The following CHST6 variants were observed in gnomAD, a reference collection of about 807,000 sequenced individuals.
CHST6 encodes the protein N-acetylglucosamine 6-O-sulfotransferase 5.
For missense variants in CHST6, 698 were observed against 586.2 expected (o/e 1.19, Z -1.97); for synonymous variants, 309 against 276.4 (o/e 1.12, Z -1.17).
Position 75,479,545 on chromosome 16 carries a change from A to C in CHST6, c.284T>G (p.Leu95Arg). ...AATLHMAVRD[L>R]VRSVFLCDMD... The stretch of plus-strand genomic sequence containing the variant: ...GTCGCACAGGAAGACGGAGCGCACC[A>C]GGTCGCGCACAGCCATGTGCAGCGT... Residue 95 changes from leucine (L) to arginine (R), a missense_variant, in exon 3 of 3, where the codon CTG becomes CGG. Transcript: ENST00000332272. The C allele has an allele frequency of 1.2e-6, 2 of 1,612,974 alleles. No homozygotes were observed. The highest frequency in any genetic ancestry group is 8.5e-7 in the Non-Finnish European group (1 of 1,179,838).
rs1247828632 is a variant in CHST6 at position 75,481,903 on chromosome 16, G to A, written c.-91-12C>T. On this transcript the variant is annotated splice_polypyrimidine_tract_variant and intron_variant, in intron 1 of 2. Transcript: ENST00000332272. ...AGGTTCCTCAGCACCTGGTAAAGCA[G>A]GAGGGCGATGGAGTCACACTCTACA... 6.4e-6 allele frequency: 3 copies of A among 468,572 alleles called. No individual in the cohort carries two copies. The allele number at this position is 468,572 out of a possible 1,614,324, so 29.0% of individuals were successfully genotyped here. A position where few individuals can be genotyped will look rare whatever the true frequency, so the allele number is the denominator to read the frequency against.
In CHST6 at chr16:75,475,207, A is replaced by T. The variant is rs981017572; in HGVS notation, c.*3434T>A. On this transcript the variant is annotated 3_prime_UTR_variant, in exon 3 of 3. Coordinates refer to ENST00000332272, the MANE Select transcript of CHST6 (RefSeq NM_021615.5). ...GGGATCAAGGTTCCAACTTTGGGAG[A>T]CACAATCAAATCACAGCAGAGCCCC... 1 of 152,296 alleles carries T rather than the reference A, an allele frequency of 6.6e-6. No individual in the cohort carries two copies. Among genetic ancestry groups the T allele is most frequent in the East Asian group, 1.9e-4 (1 of 5,210 alleles). The allele number at this position is 152,296 out of a possible 1,614,324, so 9.4% of individuals were successfully genotyped here.
Position 75,476,903 on chromosome 16 carries a change from C to G in CHST6, c.*1738G>C, listed in dbSNP as rs2151664191. The G allele has an allele frequency of 6.6e-6, 1 of 152,190 alleles. No homozygotes were observed. The highest frequency in any genetic ancestry group is 6.5e-5 in the Admixed American group (1 of 15,292). The allele number at this position is 152,190 out of a possible 1,614,324, so 9.4% of individuals were successfully genotyped here. A position where few individuals can be genotyped will look rare whatever the true frequency, so the allele number is the denominator to read the frequency against. ...GGGATTACAGGTATGTGCGACCATGCCTCGCTAATTTTGTATTTTTAGTAG... is the reference window on the plus strand; with the variant it reads ...GGGATTACAGGTATGTGCGACCATGGCTCGCTAATTTTGTATTTTTAGTAG... On this transcript the variant is annotated 3_prime_UTR_variant, in exon 3 of 3. Transcript: ENST00000332272.
Position 75,472,380 on chromosome 16 carries a change from T to A in CHST6, c.*6261A>T, listed in dbSNP as rs1168813940. On this transcript the variant is annotated 3_prime_UTR_variant, in exon 3 of 3. Coordinates refer to ENST00000332272, the MANE Select transcript of CHST6 (RefSeq NM_021615.5). ...CAGATGACAAGCTAGGAGAAACCAT[T>A]TGCACAACAAAAATAACAAAGCATA... The A allele has an allele frequency of 6.6e-6, 1 of 152,114 alleles. No homozygotes were observed. The highest frequency in any genetic ancestry group is 2.4e-5 in the African/African-American group (1 of 41,404). 9.4% of individuals were successfully genotyped at this position (152,114 alleles called of 1,614,324 possible).
chr16:75,477,001 C>G lies in CHST6; in HGVS notation c.*1640G>C, dbSNP rs1296940755. 1 of 152,198 alleles carries G rather than the reference C, an allele frequency of 6.6e-6. No individual in the cohort carries two copies. Among genetic ancestry groups the G allele is most frequent in the Non-Finnish European group, 1.5e-5 (1 of 68,046 alleles). The allele number at this position is 152,198 out of a possible 1,614,324, so 9.4% of individuals were successfully genotyped here. On this transcript the variant is annotated 3_prime_UTR_variant, in exon 3 of 3. Transcript: ENST00000332272. ...TCAGGTGATTCATCCCCCTCGGCCT[C>G]CCACAGTGCTGGGATTACAGGCATG... is the stretch of plus-strand genomic sequence containing the variant.
chr16:75,484,568 A>G (rs775359146), intron 1 of CHST6, among the ~76,000 whole-genome samples: 2 of 150,952 alleles, frequency 1.3e-5, no homozygotes, highest in Non-Finnish European at 3.0e-5. Context: ...TAAAATTCTA[A>G]GCCACGCATG....
chr16:75,487,340 C>CA (rs1348460693), intron 1 of CHST6, among the ~76,000 whole-genome samples: 1 of 152,182 alleles, frequency 6.6e-6, no homozygotes, highest in Non-Finnish European at 1.5e-5. Flanking sequence ...GGGCAGCACT[C>CA]ACTTCCAGCC....
At position 75,478,633 on chromosome 16, in the gene CHST6, G is replaced by A. The variant is rs765385321; in HGVS notation, c.*8C>T. Reference sequence around the variant, plus strand: ...CGGGCCTAGCGCCTGCTACAACTGTGGCCTCCACTAATTTCGGGGGTGCGA... The same window carrying A: ...CGGGCCTAGCGCCTGCTACAACTGTAGCCTCCACTAATTTCGGGGGTGCGA... On this transcript the variant is annotated 3_prime_UTR_variant, in exon 3 of 3. Transcript: ENST00000332272. The A allele has an allele frequency of 1.2e-6, 2 of 1,611,974 alleles. No homozygotes were observed. Among genetic ancestry groups the A allele is most frequent in the Admixed American group, 3.3e-5 (2 of 59,754 alleles).
rs2089872712 is a variant in CHST6, at chr16:75,479,923, G to A, written c.-16-79C>T. The A allele has an allele frequency of 1.6e-5, 20 of 1,268,802 alleles. 2 individuals are homozygous for A. In the East Asian group the frequency reaches 4.8e-4, roughly 31 times the overall value. 78.6% of individuals were successfully genotyped at this position (1,268,802 alleles called of 1,614,324 possible). A position where few individuals can be genotyped will look rare whatever the true frequency, so the allele number is the denominator to read the frequency against. On this transcript the variant is annotated intron_variant, in intron 2 of 2. Coordinates refer to ENST00000332272, the MANE Select transcript of CHST6 (RefSeq NM_021615.5). ...ACCCCACTGCCCAGTGCCCGCAGGG[G>A]GCAGATTCTACCACCAGACCCGAGC...
chr16:75,489,802 A>G (rs960492687), intron 1 of CHST6, among the ~76,000 whole-genome samples: 22 of 152,074 alleles, frequency 1.4e-4, no homozygotes, highest in Non-Finnish European at 4.4e-5. Context: ...ATAAGAATAA[A>G]TAAATTTAAG....
rs60465949 is a variant in CHST6 at position 75,480,927 on chromosome 16, CAAAAAAAAA to C, written c.-17+881_-17+889del. 5.3e-4 allele frequency among the ~76,000 whole-genome samples: 59 copies of C among 111,390 alleles called. No homozygotes were observed. In the East Asian group the frequency reaches 7.3e-3, roughly 14 times the overall value. The allele number at this position is 111,390 out of a possible 152,430, so 73.1% of individuals were successfully genotyped here. On this transcript the variant is annotated intron_variant, in intron 2 of 2. Coordinates refer to ENST00000332272, the MANE Select transcript of CHST6 (RefSeq NM_021615.5). ...CCTGGGCAAGAGCAAAACTTCATTCCAAAAAAAAAAAAAAAAAAAGAAAAGAAAAGAAAA... is the reference window on the plus strand; with the variant it reads ...CCTGGGCAAGAGCAAAACTTCATTCCAAAAAAAAAAGAAAAGAAAAGAAAA...
chr16:75,481,887 A>T lies in CHST6; in HGVS notation c.-87T>A. ...CATGGGAGATGATTAGAGGTTCCTC[A>T]GCACCTGGTAAAGCAGGAGGGCGAT... On this transcript the variant is annotated 5_prime_UTR_variant, in exon 2 of 3. Transcript: ENST00000332272. 3 of 488,398 alleles carry T rather than the reference A, an allele frequency of 6.1e-6. No individual in the cohort carries two copies. The highest frequency in any genetic ancestry group is 4.6e-5 in the South Asian group (3 of 64,854). 30.3% of individuals were successfully genotyped at this position (488,398 alleles called of 1,614,324 possible).
chr16:75,489,894 C>T (rs1050603672), intron 1 of CHST6, among the ~76,000 whole-genome samples: 7 of 152,016 alleles, frequency 4.6e-5, no homozygotes, highest in Non-Finnish European at 8.8e-5. Flanking sequence ...GAAAGATGCT[C>T]AACCAGGCGC....
chr16:75,479,558 C>T lies in CHST6; in HGVS notation c.271G>A (p.Ala91Thr), dbSNP rs762729145. 42 of 1,612,880 alleles carry T rather than the reference C, an allele frequency of 2.6e-5. No homozygotes were observed. The highest frequency in any genetic ancestry group is 3.6e-5 in the Non-Finnish European group (42 of 1,179,886). ...ACGGAGCGCACCAGGTCGCGCACAG[C>T]CATGTGCAGCGTTGCGGCGCTGCCC... Reference protein sequence around the residue: ...SQGSAATLHMAVRDLVRSVFL... With the variant: ...SQGSAATLHMTVRDLVRSVFL... Residue 91 changes from alanine to threonine, a missense_variant, in exon 3 of 3, where the codon GCT becomes ACT. By Grantham distance (58) the Ala-to-Thr change is moderately conservative. Transcript: ENST00000332272.
Position 75,472,487 on chromosome 16 carries a change from A to T in CHST6, c.*6154T>A, listed in dbSNP as rs995030417. 2.6e-5 allele frequency: 4 copies of T among 152,256 alleles called. No individual in the cohort carries two copies. The highest frequency in any genetic ancestry group is 5.9e-5 in the Non-Finnish European group (4 of 68,038). The allele number at this position is 152,256 out of a possible 1,614,324, so 9.4% of individuals were successfully genotyped here. ...AAAGGAATACAGTTGAGTCATAAGC[A>T]TGAAAAGATGTTCAGCTGCCCCAGG... On this transcript the variant is annotated 3_prime_UTR_variant, in exon 3 of 3. Transcript: ENST00000332272.
chr16:75,490,642 G>A (rs2080244067), intron 1 of CHST6: 1 of 151,964 alleles, frequency 6.6e-6, no homozygotes, highest in African/African-American at 2.4e-5. Context: ...AGAGACGTGG[G>A]GATCCTCATA....
rs1209854941 is a variant in CHST6 at position 75,475,880 on chromosome 16, C to T, written c.*2761G>A. On this transcript the variant is annotated 3_prime_UTR_variant, in exon 3 of 3. Transcript: ENST00000332272. ...GCTGGGCATGAGATGGAGTCTTGCT[C>T]TGTCATCCAGGCTGGAGTGCAGTGG... 6.6e-6 allele frequency: 1 copy of T among 152,258 alleles called. No homozygotes were observed. The highest frequency in any genetic ancestry group is 2.4e-5 in the African/African-American group (1 of 41,466). The allele number at this position is 152,258 out of a possible 1,614,324, so 9.4% of individuals were successfully genotyped here.
chr16:75,474,474 C>T lies in CHST6; in HGVS notation c.*4167G>A. The T allele has an allele frequency of 2.5e-6, 1 of 396,152 alleles. No homozygotes were observed. Among genetic ancestry groups the T allele is most frequent in the Middle Eastern group, 6.3e-4 (1 of 1,576 alleles). The allele number at this position is 396,152 out of a possible 1,614,324, so 24.5% of individuals were successfully genotyped here. On this transcript the variant is annotated 3_prime_UTR_variant, in exon 3 of 3. Transcript: ENST00000332272. The stretch of plus-strand genomic sequence containing the variant: ...TTAACTTTGTAGAGATGGGGTCTCA[C>T]TATGTTGCCCAGGCTGGTCTTGAGT...
Position 75,479,430 on chromosome 16 carries a change from G to A in CHST6, c.399C>T (p.Pro133=), listed in dbSNP as rs774367237. The change falls in exon 3 of 3, where the codon CCC becomes CCT. Residue 133 remains proline (P), a synonymous_variant. Coordinates refer to ENST00000332272, the MANE Select transcript of CHST6 (RefSeq NM_021615.5). Reference sequence around the variant, plus strand: ...CGCCTCGGGGAAAGGCACTGCAGGCGGGTGGCGAGCACAGTGCACGGCTCA... The same window carrying A: ...CGCCTCGGGGAAAGGCACTGCAGGCAGGTGGCGAGCACAGTGCACGGCTCA... ...WAVSRALCSP[P]ACSAFPRGAI... The A allele has an allele frequency of 5.0e-6, 8 of 1,612,908 alleles. No individual in the cohort carries two copies. Among genetic ancestry groups the A allele is most frequent in the South Asian group, 2.2e-5 (2 of 91,080 alleles).
Sources: gnomAD v4.1 joint callset for allele counts (sites outside exome capture counted in the v4.1 genomes callset) on GRCh38, gnomAD v4.1.1 for gene constraint, MANE v1.5 for transcripts, NCBI Gene and HGNC (gene_info 2026-07-23, HGNC 2026-07-21) for gene names.